The following SNX29 variants were observed in gnomAD, a reference collection of about 807,000 sequenced individuals.
SNX29 encodes the protein sorting nexin-29.
In SNX29, 78 loss-of-function variants were observed where a neutral mutation model predicts 102.1. That is an observed-to-expected ratio of 0.76 (90% CI 0.64 to 0.92). The LOEUF is 0.92. Among genes scored for constraint, SNX29 ranks in the 40% least tolerant of loss-of-function variants. The probability of loss-of-function intolerance (pLI) is 0.00; values close to 1 mark genes in which losing one functional copy is unlikely to be tolerated. For synonymous variants in SNX29, 580 were observed against 414.5 expected (o/e 1.40, Z -4.85); for missense variants, 1,280 against 1,061.7 (o/e 1.21, Z -2.86).
chr16:11,976,773 G>T lies in SNX29; in HGVS notation c.-34G>T. The T allele has an allele frequency of 1.5e-6, 2 of 1,320,534 alleles. No individual in the cohort carries two copies. Among genetic ancestry groups the T allele is most frequent in the Non-Finnish European group, 1.9e-6 (2 of 1,033,102 alleles). The allele number at this position is 1,320,534 out of a possible 1,614,324, so 81.8% of individuals were successfully genotyped here. A position where few individuals can be genotyped will look rare whatever the true frequency, so the allele number is the denominator to read the frequency against. On this transcript the variant is annotated 5_prime_UTR_variant, in exon 1 of 21. Transcript: ENST00000566228. ...AGCCGCAGAAGCGGCAGCGGCGGCG[G>T]CGCGGCGCAGGCACCGGCCCGGGGA...
chr16:12,248,471 C>T (rs1178222968), intron 14 of SNX29, among the ~76,000 whole-genome samples: 1 of 151,894 alleles, frequency 6.6e-6, no homozygotes, highest in East Asian at 1.9e-4. Flanking sequence ...TCTCAGCTCA[C>T]TGCAACGTCT....
At chr16:12,344,581 A>C (rs75045121) in intron 15 of SNX29, among the ~76,000 whole-genome samples, 1 of 152,322 alleles carries the variant, frequency 6.6e-6, no homozygotes, top group Admixed American at 6.5e-5. Context: ...TATTGAAGAT[A>C]AGTTTCTTAA....
Position 12,495,224 on chromosome 16 carries a change from TCACTGCA to T in SNX29, c.2178+17367_2178+17373del, listed in dbSNP as rs558405518. 6.5e-4 allele frequency among the ~76,000 whole-genome samples: 99 copies of T among 152,300 alleles called. 1 individual carries two copies. The highest frequency in any genetic ancestry group is 1.2e-3 in the East Asian group (6 of 5,176). Reference sequence around the variant, plus strand: ...TGGAGCACAGTGGCATGGTCTCGGCTCACTGCACCCTCTACCTCCCAGGTTCAAGCAA... The same window carrying T: ...TGGAGCACAGTGGCATGGTCTCGGCTCCCTCTACCTCCCAGGTTCAAGCAA... On this transcript the variant is annotated intron_variant, in intron 19 of 20. Transcript: ENST00000566228.
intron 15 of SNX29, among the ~76,000 whole-genome samples, chr16:12,310,396 C>T (rs921234177): frequency 2.0e-5 from 3 of 152,072 alleles, no homozygotes; most frequent in Non-Finnish European, 2.9e-5. Flanking sequence ...TTTGTGTTAG[C>T]CAACTAGAAA....
intron 20 of SNX29, 149 bp from the exon 21 acceptor site, chr16:12,568,357 C>A: frequency 2.0e-6 from 2 of 1,022,130 alleles, no homozygotes; most frequent in Non-Finnish European, 2.8e-6. Context: ...CTCATTTCTT[C>A]AGGTGGCACC....
intron 7 of SNX29, among the ~76,000 whole-genome samples, chr16:12,050,855 G>A (rs1408841835): frequency 6.6e-5 from 10 of 151,930 alleles, no homozygotes; most frequent in Admixed American, 1.3e-4. Context: ...GGGATTACAG[G>A]CACCTGCCAC....
chr16:12,421,383 A>G (rs1466942676), intron 18 of SNX29, among the ~76,000 whole-genome samples: 1 of 152,200 alleles, frequency 6.6e-6, no homozygotes, highest in East Asian at 1.9e-4. Flanking sequence ...AGGTTTGGAG[A>G]CCAAATGGGG....
intron 13 of SNX29, among the ~76,000 whole-genome samples, chr16:12,155,494 T>C (rs887557005): frequency 1.3e-5 from 2 of 152,110 alleles, no homozygotes; most frequent in African/African-American, 2.4e-5. Context: ...CTGGACTCTT[T>C]CCATTGCCTC....
At chr16:12,425,884 T>C (rs2085056609) in intron 18 of SNX29, among the ~76,000 whole-genome samples, 1 of 152,168 alleles carries the variant, frequency 6.6e-6, no homozygotes, top group Non-Finnish European at 1.5e-5. Context: ...CCATTTCTGC[T>C]GTACCCACAA....
At chr16:12,538,301 T>C (rs922218976) in intron 20 of SNX29, among the ~76,000 whole-genome samples, 3 of 152,098 alleles carry the variant, frequency 2.0e-5, no homozygotes, top group African/African-American at 7.2e-5. Context: ...TTTTGTTTTT[T>C]AGTAGAGAGG....
chr16:12,084,885 A>G (rs933296459), intron 11 of SNX29, among the ~76,000 whole-genome samples: 2 of 152,084 alleles, frequency 1.3e-5, no homozygotes, highest in African/African-American at 2.4e-5. Flanking sequence ...CCAGGCCAAC[A>G]TAGTGAGACT....
chr16:12,118,366 G>C (rs1047286561), intron 11 of SNX29, among the ~76,000 whole-genome samples: 2 of 124,454 alleles, frequency 1.6e-5, no homozygotes, highest in African/African-American at 6.3e-5. Flanking sequence ...TGTCACCCAG[G>C]CTGGAGTGCA....
intron 1 of SNX29, among the ~76,000 whole-genome samples, chr16:11,992,437 C>G (rs2055890616): frequency 1.3e-5 from 2 of 152,096 alleles, no homozygotes; most frequent in African/African-American, 4.8e-5. Context: ...TTTCATCACC[C>G]AAAGGAAACT....
At chr16:12,177,155 C>G (rs1303510076) in intron 13 of SNX29, among the ~76,000 whole-genome samples, 1 of 152,098 alleles carries the variant, frequency 6.6e-6, no homozygotes, top group African/African-American at 2.4e-5. Flanking sequence ...CTTGTGTTTT[C>G]TGGGCTGGTC....
At chr16:12,289,224 C>A (rs1448712513) in intron 15 of SNX29, among the ~76,000 whole-genome samples, 4 of 152,188 alleles carry the variant, frequency 2.6e-5, no homozygotes, top group Admixed American at 2.6e-4. Flanking sequence ...CCCATCTGTT[C>A]CTGTGTGCTG....
intron 20 of SNX29, among the ~76,000 whole-genome samples, chr16:12,554,964 G>C (rs564695616): frequency 5.3e-5 from 8 of 151,990 alleles, no homozygotes; most frequent in African/African-American, 1.9e-4. Context: ...AATGGAGGTG[G>C]TGAGGGGGGT....
At chr16:12,350,675 C>G (rs947354829) in intron 15 of SNX29, among the ~76,000 whole-genome samples, 4 of 152,198 alleles carry the variant, frequency 2.6e-5, no homozygotes, top group African/African-American at 9.6e-5. Flanking sequence ...AAACTGTTTC[C>G]TACAAGTAGG....
At chr16:12,363,689 G>A (rs1429301588) in intron 16 of SNX29, among the ~76,000 whole-genome samples, 1 of 152,222 alleles carries the variant, frequency 6.6e-6, no homozygotes, top group Admixed American at 6.5e-5. Flanking sequence ...TGAGTGCATA[G>A]ACCAAATGAT....
intron 16 of SNX29, among the ~76,000 whole-genome samples, chr16:12,364,358 T>G (rs1251110111): frequency 6.6e-6 from 1 of 152,000 alleles, no homozygotes; most frequent in East Asian, 1.9e-4. Context: ...CCTTTTAAGC[T>G]AAGACACTTT....
Sources: gnomAD v4.1 joint callset for allele counts (sites outside exome capture counted in the v4.1 genomes callset) on GRCh38, gnomAD v4.1.1 for gene constraint, MANE v1.5 for transcripts, NCBI Gene and HGNC (gene_info 2026-07-23, HGNC 2026-07-21) for gene names.